The following NDUFS2 variants were observed in gnomAD, a reference collection of about 807,000 sequenced individuals.
The protein encoded by NDUFS2 is NADH dehydrogenase [ubiquinone] iron-sulfur protein 2, mitochondrial.
A neutral mutation model predicts 69.6 loss-of-function variants in NDUFS2; 38 were observed. The ratio of observed to expected loss-of-function variants is 0.55; its 90% confidence interval spans 0.42 to 0.72. The LOEUF (loss-of-function observed/expected upper bound fraction) is 0.72. Among genes scored for constraint, NDUFS2 ranks in the 30% least tolerant of loss-of-function variants. The probability of loss-of-function intolerance (pLI) is 0.00; values close to 1 mark genes in which losing one functional copy is unlikely to be tolerated. For synonymous variants in NDUFS2, 194 were observed against 211.2 expected (o/e 0.92, Z 0.70); for missense variants, 468 against 595.0 (o/e 0.79, Z 2.22).
Position 161,213,908 on chromosome 1 carries a change from C to G in NDUFS2, c.1341C>G (p.Val447=). 1.9e-6 allele frequency: 3 copies of G among 1,614,168 alleles called. No homozygotes were observed. Among genetic ancestry groups the G allele is most frequent in the Non-Finnish European group, 2.5e-6 (3 of 1,180,034 alleles). Residue 447 remains valine, a synonymous_variant, in exon 13 of 14, where the codon GTC becomes GTG. Coordinates refer to ENST00000676972, the MANE Select transcript of NDUFS2 (RefSeq NM_001377299.1). The part of the protein sequence containing the change: ...KMSKGHMLAD[V]VAIIGTQDIV... ...CTAAGGGACACATGTTGGCAGATGTCGTTGCCATCATAGGTACGAGGCCTA... is the reference window on the plus strand; with the variant it reads ...CTAAGGGACACATGTTGGCAGATGTGGTTGCCATCATAGGTACGAGGCCTA...
intron 5 of NDUFS2, 124 bp from the exon 6 acceptor site, chr1:161,209,733 T>C: frequency 7.7e-7 from 1 of 1,292,606 alleles, no homozygotes; most frequent in Admixed American, 2.0e-5. Flanking sequence ...ACTTGGGTTA[T>C]ATTTGTAGAA....
In NDUFS2 at chr1:161,202,525, G is replaced by A. The variant is rs1665196291; in HGVS notation, c.95+45G>A. On this transcript the variant is annotated intron_variant, in intron 1 of 13. Coordinates refer to ENST00000676972, the MANE Select transcript of NDUFS2 (RefSeq NM_001377299.1). ...TCGACACACTTTCTCCAAGGCTAGG[G>A]TTTCTCAGGTTGGGGACGCTTTACT... is the stretch of plus-strand genomic sequence containing the variant. The A allele has an allele frequency of 1.9e-6, 3 of 1,555,714 alleles. No homozygotes were observed. The South Asian group carries it at 3.5e-5, about 18-fold the overall frequency.
Position 161,205,928 on chromosome 1 carries a change from T to G in NDUFS2, c.203-479T>G, listed in dbSNP as rs1230558849. On this transcript the variant is annotated intron_variant, in intron 2 of 13. Coordinates refer to ENST00000676972, the MANE Select transcript of NDUFS2 (RefSeq NM_001377299.1). The stretch of plus-strand genomic sequence containing the variant: ...GTTTGGATCCTGGAGCTAAACAGGC[T>G]GGGTTAAAATCCTGGTTCTGCCACT... 2.0e-5 allele frequency among the ~76,000 whole-genome samples: 3 copies of G among 152,302 alleles called. No homozygotes were observed. The East Asian group carries it at 5.8e-4, about 29-fold the overall frequency.
chr1:161,209,890 C>G lies in NDUFS2; in HGVS notation c.661C>G (p.Arg221Gly). ...GTTCTACGAGCGAGTGTCTGGAGCC[C>G]GAATGCATGCTGCTTATATCCGGCC... Reference protein sequence around the residue: ...FEFYERVSGARMHAAYIRPGG... With the variant: ...FEFYERVSGAGMHAAYIRPGG... Residue 221 changes from arginine to glycine, a missense_variant, in exon 6 of 14, where the codon CGA (arginine) becomes GGA (glycine). Arg to Gly is a moderately radical substitution (Grantham distance 125). This residue lies in a region of NDUFS2 where 339 missense variants were observed against 433.8 expected (regional missense o/e 0.78). Coordinates refer to ENST00000676972, the MANE Select transcript of NDUFS2 (RefSeq NM_001377299.1). The G allele has an allele frequency of 1.2e-6, 2 of 1,614,002 alleles. No individual in the cohort carries two copies. Among genetic ancestry groups the G allele is most frequent in the Non-Finnish European group, 8.5e-7 (1 of 1,180,008 alleles).
intron 10 of NDUFS2, 80 bp downstream of exon 10, chr1:161,212,560 T>C: frequency 1.3e-6 from 2 of 1,555,528 alleles, no homozygotes; most frequent in Non-Finnish European, 1.7e-6. Context: ...GATTAAATCC[T>C]ATCTTTTGGT....
At chr1:161,198,538 C>T (rs1170904155), upstream of NDUFS2, 8 of 1,566,122 alleles carry the variant, frequency 5.1e-6, no homozygotes, top group East Asian at 4.7e-5. This position sits in a 1 kb window ranked among gnomAD's most constrained non-coding sequence, Gnocchi z 4.7. Context: ...GCCAGGAGAG[C>T]GGCACAATGG....
chr1:161,205,477 A>G (rs577310964), intron 2 of NDUFS2, among the ~76,000 whole-genome samples: 3 of 152,314 alleles, frequency 2.0e-5, no homozygotes, highest in South Asian at 4.1e-4. Context: ...CTCAGATCCT[A>G]CCTACATGAA....
Position 161,202,451 on chromosome 1 carries a change from T to G in NDUFS2, c.66T>G (p.Ala22=). 1 of 1,612,242 alleles carries G rather than the reference T, an allele frequency of 6.2e-7. No individual in the cohort carries two copies. The highest frequency in any genetic ancestry group is 1.1e-5 in the South Asian group (1 of 90,484). The change falls in exon 1 of 14, where the codon GCT becomes GCG. Residue 22 remains alanine, a synonymous_variant. Transcript: ENST00000676972. ...CGGCCCAGGTGCTGCGGCCTGGGGC[T>G]GGAGTCCGATTGCCGATTCAGCCCA... ...GVAAQVLRPG[A]GVRLPIQPSR...
chr1:161,198,335 T>C (rs1367767540), upstream of NDUFS2: 7 of 1,613,352 alleles, frequency 4.3e-6, no homozygotes, highest in Middle Eastern at 3.3e-4. This position sits in a 1 kb window ranked among gnomAD's most constrained non-coding sequence, Gnocchi z 4.7. Flanking sequence ...ACCGGAGTCC[T>C]GCTCCAGCTC....
intron 3 of NDUFS2, among the ~76,000 whole-genome samples, chr1:161,208,809 A>G (rs1326516817): frequency 1.3e-5 from 2 of 152,298 alleles, no homozygotes; most frequent in Middle Eastern, 3.4e-3. Context: ...ACCACATTTT[A>G]CTATGCTCTG....
In NDUFS2 at chr1:161,209,928, C is replaced by G; in HGVS notation, c.699C>G (p.His233Gln). Residue 233 changes from histidine to glutamine, a missense_variant, in exon 6 of 14, where the codon CAC (histidine) becomes CAG (glutamine). Coordinates refer to ENST00000676972, the MANE Select transcript of NDUFS2 (RefSeq NM_001377299.1). The stretch of plus-strand genomic sequence containing the variant: ...CTTATATCCGGCCAGGAGGAGTGCA[C>G]CAGGTGAGCAGGTCCCCGGCTTCCC... Reference protein sequence around the residue: ...HAAYIRPGGVHQDLPLGLMDD... With the variant: ...HAAYIRPGGVQQDLPLGLMDD... 2.5e-6 allele frequency: 4 copies of G among 1,613,986 alleles called. No homozygotes were observed. The highest frequency in any genetic ancestry group is 3.4e-6 in the Non-Finnish European group (4 of 1,179,994).
upstream of NDUFS2, among the ~76,000 whole-genome samples, chr1:161,200,359 A>G (rs1665061023): frequency 6.6e-6 from 1 of 152,058 alleles, no homozygotes; most frequent in African/African-American, 2.4e-5. Flanking sequence ...AAGGCAAGGA[A>G]GGGTTCAGAA....
At chr1:161,203,314 A>G (rs1665260638) in intron 1 of NDUFS2, 123 bp from the exon 2 acceptor site, 1 of 836,596 alleles carries the variant, frequency 1.2e-6, no homozygotes, top group Admixed American at 2.0e-5. Context: ...CTCAAAAAAA[A>G]CAAAAAACAA....
upstream of NDUFS2, among the ~76,000 whole-genome samples, chr1:161,201,069 TCAA>T (rs1571596388): frequency 6.6e-6 from 1 of 152,210 alleles, no homozygotes; most frequent in Non-Finnish European, 1.5e-5. Flanking sequence ...TTGCTGTGTT[TCAA>T]CAATAGAAAG....
chr1:161,201,593 C>T (rs997988683), upstream of NDUFS2, among the ~76,000 whole-genome samples: 3 of 152,286 alleles, frequency 2.0e-5, no homozygotes, highest in Admixed American at 6.5e-5. Context: ...GTCAGAAAGA[C>T]GTTAGGGAAA....
At chr1:161,209,458 T>C (rs1268936811) in intron 4 of NDUFS2, 25 bp from the exon 5 acceptor site, 2 of 1,612,176 alleles carry the variant, frequency 1.2e-6, no homozygotes, top group African/African-American at 1.3e-5. Context: ...GGCTCCTATA[T>C]CCTGTCTTCT....
Position 161,209,292 on chromosome 1 carries a change from C to T in NDUFS2, c.493C>T (p.Pro165Ser), listed in dbSNP as rs755908073. Residue 165 changes from proline to serine, a missense_variant, in exon 4 of 14, where the codon CCT (proline) becomes TCT (serine). By Grantham distance (74) the Pro-to-Ser change is moderately conservative. This residue lies in a region of NDUFS2 where 339 missense variants were observed against 433.8 expected (regional missense o/e 0.78). Coordinates refer to ENST00000676972, the MANE Select transcript of NDUFS2 (RefSeq NM_001377299.1). Reference sequence around the variant, plus strand: ...GAAGTTGCTAAACATCCGGCCTCCTCCTCGGGCACAGTGGATCCGAGGTAT... The same window carrying T: ...GAAGTTGCTAAACATCCGGCCTCCTTCTCGGGCACAGTGGATCCGAGGTAT... ...VEKLLNIRPP[P>S]RAQWIRVLFG... The T allele has an allele frequency of 1.2e-6, 2 of 1,614,158 alleles. No individual in the cohort carries two copies.
chr1:161,207,629 C>A (rs1665537421), intron 3 of NDUFS2, among the ~76,000 whole-genome samples: 1 of 151,234 alleles, frequency 6.6e-6, no homozygotes, highest in Non-Finnish European at 1.5e-5. Context: ...TGGTGTGCGC[C>A]TGTAGGAGAA....
At chr1:161,198,009 G>A, upstream of NDUFS2, 2 of 1,565,482 alleles carry the variant, frequency 1.3e-6, no homozygotes, top group Admixed American at 1.8e-5. The surrounding 1 kb of genome is among the most constrained non-coding windows in gnomAD (Gnocchi z 4.7). Context: ...GCTCTTCGGG[G>A]TCTGGGGCTG....
Sources: allele counts gnomAD v4.1 joint callset (sites outside exome capture counted in the v4.1 genomes callset), GRCh38; gene constraint gnomAD v4.1.1; regional missense constraint gnomAD v4.1.1; non-coding constraint Gnocchi (gnomAD v3.1); transcripts MANE v1.5; gene names NCBI Gene and HGNC (gene_info 2026-07-23, HGNC 2026-07-21).